The following CFAP91 variants were observed in gnomAD, a reference collection of about 807,000 sequenced individuals.
CFAP91 encodes the protein cilia and flagella associated protein 91, also known as cilia- and flagella-associated protein 91.
A neutral mutation model predicts 95.9 loss-of-function variants in CFAP91; 85 were observed. The observed-to-expected ratio is 0.89, with a 90% CI of 0.74 to 1.06. The LOEUF is 1.06. CFAP91 is among the 50% of genes least tolerant of loss of function. CFAP91 has a pLI of 0.00. For synonymous variants in CFAP91, 335 were observed against 327.5 expected (o/e 1.02, Z -0.25); for missense variants, 962 against 943.4 (o/e 1.02, Z -0.26).
At chr3:119,764,359 G>A (rs148236731) in intron 17 of CFAP91, among the ~76,000 whole-genome samples, 18 of 152,166 alleles carry the variant, frequency 1.2e-4, no homozygotes, top group African/African-American at 3.9e-4. Context: ...TTGTAAATTA[G>A]GCTAACATAC....
chr3:119,730,367 G>A lies in CFAP91; in HGVS notation c.1008G>A (p.Thr336=), dbSNP rs111294292. ...KEAKMAKIQR[T]HVSTIRKLVG... ...CAAAAATGGCAAAAATTCAGCGCACGCATGTATCAAGTAATGGTGTAGTAT... is the reference window on the plus strand; with the variant it reads ...CAAAAATGGCAAAAATTCAGCGCACACATGTATCAAGTAATGGTGTAGTAT... The change falls in exon 8 of 18, where the codon ACG becomes ACA. Residue 336 remains threonine, a synonymous_variant. Coordinates refer to ENST00000273390, the MANE Select transcript of CFAP91 (RefSeq NM_033364.4). 23 of 1,613,808 alleles carry A rather than the reference G, an allele frequency of 1.4e-5. No individual in the cohort carries two copies. The highest frequency in any genetic ancestry group is 1.1e-4 in the African/African-American group (8 of 74,998).
At chr3:119,712,944 G>C (rs1209520943) in intron 5 of CFAP91, among the ~76,000 whole-genome samples, 1 of 143,250 alleles carries the variant, frequency 7.0e-6, no homozygotes, top group Non-Finnish European at 1.5e-5. Flanking sequence ...GGCAGAGTGA[G>C]ACTCCATCTC....
intron 9 of CFAP91, among the ~76,000 whole-genome samples, chr3:119,732,932 G>A (rs190716903): frequency 1.1e-4 from 17 of 152,302 alleles, no homozygotes; most frequent in Middle Eastern, 6.8e-3. Context: ...TAATTTCACT[G>A]ACAAATTGAA....
At chr3:119,760,274 A>G (rs1385044898) in intron 17 of CFAP91, among the ~76,000 whole-genome samples, 1 of 151,934 alleles carries the variant, frequency 6.6e-6, no homozygotes, top group East Asian at 1.9e-4. Context: ...GTAAAAAACT[A>G]TAAAATGAGA....
chr3:119,731,447 T>C lies in CFAP91; in HGVS notation c.1019-847T>C, dbSNP rs143265570. The stretch of plus-strand genomic sequence containing the variant: ...AAAGAGCACTTAACTGCTAGATATT[T>C]ATTTAGATACAATCAACATTTGTTT... On this transcript the variant is annotated intron_variant, in intron 8 of 17. Transcript: ENST00000273390. 7.3e-3 allele frequency among the ~76,000 whole-genome samples: 1,111 copies of C among 152,322 alleles called. 7 individuals carry two copies. Among genetic ancestry groups the C allele is most frequent in the Middle Eastern group, 0.037 (11 of 294 alleles).
intron 12 of CFAP91, 99 bp downstream of exon 12, chr3:119,739,425 C>A: frequency 1.9e-6 from 2 of 1,039,616 alleles, no homozygotes; most frequent in Non-Finnish European, 3.0e-6. Context: ...CCTTTTGCAC[C>A]CTGCTATCCT....
At chr3:119,749,462 T>C (rs999232589) in intron 16 of CFAP91, among the ~76,000 whole-genome samples, 1 of 151,916 alleles carries the variant, frequency 6.6e-6, no homozygotes, top group African/African-American at 2.4e-5. Flanking sequence ...AGGTGGAGGC[T>C]GCAGTGAGCC....
Position 119,709,974 on chromosome 3 carries a change from C to G in CFAP91, c.500+79C>G, listed in dbSNP as rs559813509. ...ATATTTTTTCTTAGAAGATAGTTCA[C>G]TAAATCACTATTTTTCAAATTGTGG... On this transcript the variant is annotated intron_variant, in intron 5 of 17. Coordinates refer to ENST00000273390, the MANE Select transcript of CFAP91 (RefSeq NM_033364.4). The G allele has an allele frequency of 3.7e-6, 4 of 1,091,040 alleles. No homozygotes were observed. The South Asian group carries it at 5.3e-5, about 15-fold the overall frequency. The allele number at this position is 1,091,040 out of a possible 1,614,324, so 67.6% of individuals were successfully genotyped here.
At chr3:119,709,592 A>G (rs1423076837) in intron 4 of CFAP91, among the ~76,000 whole-genome samples, 1 of 152,204 alleles carries the variant, frequency 6.6e-6, no homozygotes, top group Non-Finnish European at 1.5e-5. Flanking sequence ...GTGTTTATTA[A>G]GAATGCACAT....
At chr3:119,762,941 CA>C (rs1442440075) in intron 17 of CFAP91, among the ~76,000 whole-genome samples, 1 of 151,940 alleles carries the variant, frequency 6.6e-6, no homozygotes, top group Non-Finnish European at 1.5e-5. Context: ...CTCAAAAGCA[CA>C]GGCAACAAAA....
chr3:119,763,932 A>C (rs1221190883), intron 17 of CFAP91, among the ~76,000 whole-genome samples: 2 of 152,134 alleles, frequency 1.3e-5, no homozygotes, highest in African/African-American at 4.8e-5. Context: ...GACTATATTT[A>C]ATAACAATGT....
intron 17 of CFAP91, among the ~76,000 whole-genome samples, chr3:119,758,510 A>G (rs766513742): frequency 2.6e-5 from 4 of 152,192 alleles, no homozygotes; most frequent in Non-Finnish European, 5.9e-5. Context: ...GGACCTTGAA[A>G]CAAGTGCAAA....
At chr3:119,725,226 C>T (rs766561004) in intron 6 of CFAP91, among the ~76,000 whole-genome samples, 3 of 152,222 alleles carry the variant, frequency 2.0e-5, no homozygotes, top group Non-Finnish European at 2.9e-5. Flanking sequence ...GTGCTGGCAT[C>T]CTCAAAACTT....
At chr3:119,707,026 G>A in intron 2 of CFAP91, 141 bp downstream of exon 2, 1 of 669,130 alleles carries the variant, frequency 1.5e-6, no homozygotes, top group Non-Finnish European at 2.7e-6. Flanking sequence ...GATTACTGGA[G>A]GGCAAAGCAT....
rs558758154 is a variant in CFAP91, at chr3:119,706,743, C to G, written c.125-66C>G. 1.4e-5 allele frequency: 17 copies of G among 1,177,972 alleles called. No individual in the cohort carries two copies. The East Asian group carries it at 4.0e-4, about 28-fold the overall frequency. The allele number at this position is 1,177,972 out of a possible 1,614,324, so 73.0% of individuals were successfully genotyped here. ...CCAATTAAGAGATTACATTACTTTG[C>G]CATTATTCTCAGCCTAGGGGTAGAT... On this transcript the variant is annotated intron_variant, in intron 1 of 17. Transcript: ENST00000273390.
In CFAP91 at chr3:119,744,214, GGT is replaced by G; in HGVS notation, c.1902+24_1902+25del. The G allele has an allele frequency of 6.3e-7, 1 of 1,586,326 alleles. No individual in the cohort carries two copies. Among genetic ancestry groups the G allele is most frequent in the Non-Finnish European group, 8.6e-7 (1 of 1,161,278 alleles). On this transcript the variant is annotated intron_variant, in intron 14 of 17. Coordinates refer to ENST00000273390, the MANE Select transcript of CFAP91 (RefSeq NM_033364.4). Reference sequence around the variant, plus strand: ...TTAAGGAGGCAAGTAGGGGCAGCTGGGTGTGTGGAAGCTGCCTAGAAGGAGCC... The same window carrying G: ...TTAAGGAGGCAAGTAGGGGCAGCTGGGTGTGGAAGCTGCCTAGAAGGAGCC...
chr3:119,757,376 G>A (rs774397149), intron 17 of CFAP91, among the ~76,000 whole-genome samples: 40 of 152,112 alleles, frequency 2.6e-4, no homozygotes, highest in Non-Finnish European at 5.4e-4. Context: ...GGGTGCAGTG[G>A]CTCACGTCTG....
Position 119,747,812 on chromosome 3 carries a change from C to A in CFAP91, c.2053C>A (p.Arg685=), listed in dbSNP as rs113141950. ...TTCAATTTGTTTTATATTTTTTAGCCGAACCTATCTTCAGTCAGAGGAGAT... is the reference window on the plus strand; with the variant it reads ...TTCAATTTGTTTTATATTTTTTAGCAGAACCTATCTTCAGTCAGAGGAGAT... ...NDIAYEMESR[R]TYLQSEEIVA... The change falls in exon 16 of 18, where the codon CGA becomes AGA. Residue 685 remains arginine (R), a splice_region_variant and synonymous_variant. Transcript: ENST00000273390. 5.0e-6 allele frequency: 8 copies of A among 1,610,738 alleles called. No individual in the cohort carries two copies. The highest frequency in any genetic ancestry group is 6.8e-6 in the Non-Finnish European group (8 of 1,178,598).
chr3:119,753,782 A>G (rs992492090), intron 17 of CFAP91, among the ~76,000 whole-genome samples: 2 of 152,320 alleles, frequency 1.3e-5, no homozygotes, highest in East Asian at 1.9e-4. Flanking sequence ...ACACTGCACC[A>G]TATTTATAGT....
Sources: gnomAD v4.1 joint callset for allele counts (sites outside exome capture counted in the v4.1 genomes callset) on GRCh38, gnomAD v4.1.1 for gene constraint, MANE v1.5 for transcripts, NCBI Gene and HGNC (gene_info 2026-07-23, HGNC 2026-07-21) for gene names.